The following CHST11 variants were observed in gnomAD, a reference collection of about 807,000 sequenced individuals.
The protein encoded by CHST11 is C4S-1.
In CHST11, 9 loss-of-function variants were observed where a neutral mutation model predicts 30.4. That is an observed-to-expected ratio of 0.30 (90% CI 0.18 to 0.52). CHST11 has a LOEUF of 0.52. CHST11 is among the 20% of genes least tolerant of loss of function. The probability of loss-of-function intolerance (pLI) is 0.97; values close to 1 mark genes in which losing one functional copy is unlikely to be tolerated. For missense variants in CHST11, 348 were observed against 460.6 expected (o/e 0.76, Z 2.24); for synonymous variants, 152 against 187.8 (o/e 0.81, Z 1.56).
intron 1 of CHST11, among the ~76,000 whole-genome samples, chr12:104,539,761 G>A (rs1282323991): frequency 6.6e-6 from 1 of 152,110 alleles, no homozygotes; most frequent in African/African-American, 2.4e-5. Flanking sequence ...GTATCCTTGG[G>A]GGATTGGTTC....
At chr12:104,485,997 T>G (rs1196798975) in intron 1 of CHST11, among the ~76,000 whole-genome samples, 4 of 151,688 alleles carry the variant, frequency 2.6e-5, no homozygotes, top group Non-Finnish European at 5.9e-5. Context: ...TGCGTGTGTG[T>G]GTGGGCATGT....
At chr12:104,744,844 C>CATTTATTTATTT (rs142255091) in intron 2 of CHST11, among the ~76,000 whole-genome samples, 16 of 148,104 alleles carry the variant, frequency 1.1e-4, no homozygotes, top group African/African-American at 2.8e-4. Flanking sequence ...ATCCCAGCAT[C>CATTTATTTATTT]ATTTATTTAT....
At position 104,600,071 on chromosome 12, in the gene CHST11, T is replaced by C. The variant is rs1327363936; in HGVS notation, c.119-1835T>C. Among the ~76,000 whole-genome samples the C allele has an allele frequency of 1.3e-5, 2 of 152,032 alleles. No homozygotes were observed. Among genetic ancestry groups the C allele is most frequent in the Non-Finnish European group, 2.9e-5 (2 of 67,988 alleles). ...ATACTGTTTGGCCCCTTACAGAAAA[T>C]TTTGCTGACCCCTGCCCTAGGAAGT... is the stretch of plus-strand genomic sequence containing the variant. On this transcript the variant is annotated intron_variant, in intron 1 of 2. Transcript: ENST00000303694. This position sits in a 1 kb window ranked among gnomAD's most constrained non-coding sequence, Gnocchi z 4.1.
intron 1 of CHST11, among the ~76,000 whole-genome samples, chr12:104,494,643 G>C (rs933473308): frequency 2.0e-5 from 3 of 152,186 alleles, no homozygotes; most frequent in Non-Finnish European, 4.4e-5. Flanking sequence ...TGTCGTAGGC[G>C]TATTAGCTCT....
intron 1 of CHST11, among the ~76,000 whole-genome samples, chr12:104,587,520 C>A (rs2038816350): frequency 6.6e-6 from 1 of 152,056 alleles, no homozygotes; most frequent in South Asian, 2.1e-4. Flanking sequence ...ACTTCAGCCT[C>A]CCCAGTGGCT....
At chr12:104,662,302 A>G (rs1289295632) in intron 2 of CHST11, among the ~76,000 whole-genome samples, 1 of 152,168 alleles carries the variant, frequency 6.6e-6, no homozygotes, top group Non-Finnish European at 1.5e-5. Flanking sequence ...CACGTTTCTC[A>G]TCTTAAAGGC....
At chr12:104,459,256 GC>G (rs869295895) in intron 1 of CHST11, among the ~76,000 whole-genome samples, 5 of 149,280 alleles carry the variant, frequency 3.3e-5, no homozygotes, top group Non-Finnish European at 6.0e-5. Context: ...GGGCCAGACA[GC>G]CAGGGGTATC....
At chr12:104,561,318 C>T (rs1312037106) in intron 1 of CHST11, among the ~76,000 whole-genome samples, 2 of 152,192 alleles carry the variant, frequency 1.3e-5, no homozygotes, top group East Asian at 1.9e-4. Context: ...TTGACCTTAT[C>T]CATGTAGCCC....
intron 2 of CHST11, among the ~76,000 whole-genome samples, chr12:104,681,459 G>A (rs950617928): frequency 1.3e-5 from 2 of 152,106 alleles, no homozygotes; most frequent in Non-Finnish European, 2.9e-5. Context: ...AATCTTTTGG[G>A]GGTGATAAAT....
At chr12:104,689,807 C>A (rs1353990629) in intron 2 of CHST11, among the ~76,000 whole-genome samples, 1 of 152,114 alleles carries the variant, frequency 6.6e-6, no homozygotes. Context: ...CTCTCTCCTT[C>A]CCCCTCCCAA....
intron 1 of CHST11, among the ~76,000 whole-genome samples, chr12:104,574,763 C>T (rs558204109): frequency 8.0e-5 from 12 of 150,768 alleles, no homozygotes; most frequent in African/African-American, 2.0e-4. Context: ...ATGTAAATGA[C>T]GAGTTAATGG....
rs149075703 is a variant in CHST11, at chr12:104,711,352, G to A, written c.205-45597G>A. ...TAGGTTATATATCCAAATAAAAAAT[G>A]CTTCTTACAAAAAGAAAGAAAAGAA... On this transcript the variant is annotated intron_variant, in intron 2 of 2. Transcript: ENST00000303694. Among the ~76,000 whole-genome samples, 268 of 152,322 alleles carry A rather than the reference G, an allele frequency of 1.8e-3. 2 individuals carry two copies. Among genetic ancestry groups the A allele is most frequent in the African/African-American group, 6.1e-3 (253 of 41,564 alleles).
intron 1 of CHST11, among the ~76,000 whole-genome samples, chr12:104,542,910 C>A (rs1565980668): frequency 1.3e-5 from 2 of 152,346 alleles, no homozygotes; most frequent in East Asian, 3.9e-4. Flanking sequence ...AATTAAATCT[C>A]TGAACCATCC....
intron 1 of CHST11, among the ~76,000 whole-genome samples, chr12:104,471,928 C>T (rs1029943725): frequency 1.3e-5 from 2 of 151,924 alleles, no homozygotes; most frequent in African/African-American, 2.4e-5. Flanking sequence ...CTACATTGAA[C>T]TAGGGCTTTT....
chr12:104,736,227 T>C (rs2040299929), intron 2 of CHST11, among the ~76,000 whole-genome samples: 1 of 151,998 alleles, frequency 6.6e-6, no homozygotes, highest in Non-Finnish European at 1.5e-5. Flanking sequence ...TCCCTGTGCC[T>C]ACAGAATCTG....
intron 2 of CHST11, among the ~76,000 whole-genome samples, chr12:104,730,412 A>G (rs1187463176): frequency 6.6e-6 from 1 of 152,244 alleles, no homozygotes; most frequent in African/African-American, 2.4e-5. Context: ...TTAGCCACTG[A>G]TACAGGTGTT....
chr12:104,634,452 C>CG (rs1566016723), intron 2 of CHST11, among the ~76,000 whole-genome samples: 1 of 152,154 alleles, frequency 6.6e-6, no homozygotes, highest in African/African-American at 2.4e-5. Context: ...ACAGGGCTGC[C>CG]GGGCCTGGAG....
intron 1 of CHST11, among the ~76,000 whole-genome samples, chr12:104,501,485 G>T (rs1179971997): frequency 6.6e-6 from 1 of 152,210 alleles, no homozygotes; most frequent in Non-Finnish European, 1.5e-5. Context: ...CCTAGCATTT[G>T]GTGGTCATGT....
At chr12:104,635,770 G>A (rs111677416) in intron 2 of CHST11, among the ~76,000 whole-genome samples, 472 of 152,294 alleles carry the variant, frequency 3.1e-3, no homozygotes, top group Non-Finnish European at 5.4e-3. Flanking sequence ...ATGTTGGGGC[G>A]TGGTTGGTGA....
Sources: gnomAD v4.1 joint callset for allele counts (sites outside exome capture counted in the v4.1 genomes callset) on GRCh38, gnomAD v4.1.1 for gene constraint, Gnocchi (gnomAD v3.1) non-coding constraint, MANE v1.5 for transcripts, NCBI Gene and HGNC (gene_info 2026-07-23, HGNC 2026-07-21) for gene names.